Variants in PCDH11X observed in about 807,000 individuals in gnomAD.
PCDH11X encodes the protein protocadherin-11 X-linked.
Under a neutral mutation model 53.3 loss-of-function variants are expected in PCDH11X, and 18 were observed. The ratio of observed to expected loss-of-function variants is 0.34; its 90% CI spans 0.23 to 0.50. PCDH11X has a LOEUF of 0.50. Ranked by LOEUF, PCDH11X falls within the 20% of genes least tolerant of loss-of-function variation. PCDH11X has a pLI of 0.98. For missense variants in PCDH11X, 570 were observed against 1,032.4 expected (o/e 0.55, Z 6.14); for synonymous variants, 279 against 393.3 (o/e 0.71, Z 3.44).
intron 9 of PCDH11X, among the ~76,000 whole-genome samples, chrX:92,416,280 C>A (rs1189149395): frequency 9.1e-6 from 1 of 109,554 alleles, no homozygotes; most frequent in Non-Finnish European, 1.9e-5. Flanking sequence ...TGACTATAGT[C>A]AATAATAACT....
intron 10 of PCDH11X, among the ~76,000 whole-genome samples, chrX:92,510,555 G>A (rs2074144478): frequency 9.6e-6 from 1 of 103,875 alleles, no homozygotes; most frequent in South Asian, 4.9e-4. Flanking sequence ...AATTTTCAAG[G>A]CACTAAATTA....
At chrX:91,896,443 G>T (rs1244311832) in intron 6 of PCDH11X, among the ~76,000 whole-genome samples, 1 of 107,106 alleles carries the variant, frequency 9.3e-6, no homozygotes, top group Non-Finnish European at 1.9e-5. Context: ...TTTATATTGA[G>T]AATGCTCTCT....
chrX:92,619,175 T>C lies in PCDH11X; in HGVS notation c.*235T>C, dbSNP rs1928304512. ...GAATTTAACAATTTGCATCCCCTTG[T>C]ACAGTAAGGCTTATCATGACAGAGC... is the stretch of plus-strand genomic sequence containing the variant. On this transcript the variant is annotated 3_prime_UTR_variant, in exon 11 of 11. Coordinates refer to ENST00000682573, the MANE Select transcript of PCDH11X (RefSeq NM_032968.5). 2 of 433,999 alleles carry C rather than the reference T, an allele frequency of 4.6e-6. No individual in the cohort carries two copies. The allele number at this position is 433,999 out of a possible 1,213,427, so 35.8% of individuals were successfully genotyped here. A position where few individuals can be genotyped will look rare whatever the true frequency, so the allele number is the denominator to read the frequency against.
intron 10 of PCDH11X, among the ~76,000 whole-genome samples, chrX:92,605,268 A>G (rs1926666585): frequency 1.8e-5 from 2 of 110,832 alleles, no homozygotes; most frequent in Non-Finnish European, 3.8e-5. Context: ...AGAAATTTGG[A>G]AAATTAACAA....
intron 10 of PCDH11X, among the ~76,000 whole-genome samples, chrX:92,615,606 C>T (rs1239382752): frequency 9.0e-6 from 1 of 110,524 alleles, no homozygotes; most frequent in Admixed American, 9.6e-5. Context: ...GCAGGTGTTC[C>T]AATCTCTGGC....
intron 9 of PCDH11X, among the ~76,000 whole-genome samples, chrX:92,452,092 T>TAG (rs749519643): frequency 6.3e-4 from 69 of 109,419 alleles, no homozygotes; most frequent in African/African-American, 2.2e-3. Context: ...ATTATGTCGA[T>TAG]AGAGAGAGAG....
chrX:92,489,428 A>G (rs191183011), intron 10 of PCDH11X, among the ~76,000 whole-genome samples: 11 of 110,970 alleles, frequency 9.9e-5, no homozygotes, highest in South Asian at 3.8e-4. Context: ...AAACTCGGGC[A>G]TATTTACGCT....
At position 92,217,077 on chromosome X, in the gene PCDH11X, G is replaced by A. The variant is rs1174358979; in HGVS notation, c.3114+15622G>A. ...ACACTAAACATGGAAAGGAACAACC[G>A]GTACCAGCCACTGCAAAATCATGCC... On this transcript the variant is annotated intron_variant, in intron 7 of 10. Transcript: ENST00000682573. Among the ~76,000 whole-genome samples the A allele has an allele frequency of 7.2e-4, 80 of 111,111 alleles. 1 individual carries two copies. The highest frequency in any genetic ancestry group is 9.8e-4 in the African/African-American group (30 of 30,522).
intron 6 of PCDH11X, among the ~76,000 whole-genome samples, chrX:91,981,795 C>CT (rs1030975957): frequency 9.5e-6 from 1 of 104,945 alleles, no homozygotes; most frequent in Non-Finnish European, 2.0e-5. Flanking sequence ...TTGTTGTTTT[C>CT]TTTTTTTTAG....
intron 5 of PCDH11X, among the ~76,000 whole-genome samples, chrX:91,873,164 A>G (rs1326568925): frequency 2.8e-5 from 3 of 108,619 alleles, no homozygotes; most frequent in Non-Finnish European, 5.7e-5. Flanking sequence ...TATGCATGCA[A>G]TCACCTGGCT....
At chrX:91,823,444 C>G (rs1936776705) in intron 4 of PCDH11X, among the ~76,000 whole-genome samples, 2 of 111,020 alleles carry the variant, frequency 1.8e-5, no homozygotes, top group Non-Finnish European at 3.8e-5. Flanking sequence ...TTCTTTGTCT[C>G]TTTTGATCTT....
chrX:92,380,882 C>G (rs1374900655), intron 8 of PCDH11X, among the ~76,000 whole-genome samples: 1 of 102,815 alleles, frequency 9.7e-6, no homozygotes, highest in Non-Finnish European at 2.0e-5. Flanking sequence ...TTTAACTTGT[C>G]AGTCACTTTG....
intron 6 of PCDH11X, among the ~76,000 whole-genome samples, chrX:92,170,087 A>C (rs1466898439): frequency 9.0e-6 from 1 of 110,746 alleles, no homozygotes; most frequent in Admixed American, 9.8e-5. Context: ...AAATATGGAG[A>C]TAGAAATAAA....
intron 6 of PCDH11X, among the ~76,000 whole-genome samples, chrX:91,941,006 A>G (rs1338675484): frequency 9.0e-6 from 1 of 110,922 alleles, no homozygotes; most frequent in Non-Finnish European, 1.9e-5. Context: ...AAAATATTCA[A>G]TCTACTGTAG....
intron 6 of PCDH11X, among the ~76,000 whole-genome samples, chrX:91,967,946 C>T (rs2061891099): frequency 9.0e-6 from 1 of 111,073 alleles, no homozygotes; most frequent in African/African-American, 3.3e-5. Context: ...GAAATTTATA[C>T]TCAGAGATTT....
chrX:91,835,386 G>C (rs1286474963), intron 4 of PCDH11X, 75 bp from the exon 5 acceptor site: 5 of 1,199,336 alleles, frequency 4.2e-6, no homozygotes, highest in Non-Finnish European at 5.6e-6. Context: ...AACAGTTTTT[G>C]TTAACATGCA....
intron 6 of PCDH11X, among the ~76,000 whole-genome samples, chrX:92,016,479 T>C (rs1162487646): frequency 9.0e-6 from 1 of 110,816 alleles, no homozygotes; most frequent in Non-Finnish European, 1.9e-5. Flanking sequence ...TTATCTTAGC[T>C]AGATCTTCCG....
At chrX:92,455,617 TAAC>T (rs769621623) in intron 9 of PCDH11X, among the ~76,000 whole-genome samples, 55 of 26,792 alleles carry the variant, frequency 2.1e-3, no homozygotes, top group African/African-American at 7.5e-3. Flanking sequence ...TTATAGGAAA[TAAC>T]AACAGTTTAA....
intron 10 of PCDH11X, among the ~76,000 whole-genome samples, chrX:92,477,951 C>T (rs963942423): frequency 9.3e-6 from 1 of 107,911 alleles, no homozygotes; most frequent in Non-Finnish European, 1.9e-5. Context: ...AAATTATAAT[C>T]CCCATGTTTC....
Sources: gnomAD v4.1 joint callset for allele counts (sites outside exome capture counted in the v4.1 genomes callset) on GRCh38, gnomAD v4.1.1 for gene constraint, MANE v1.5 for transcripts, NCBI Gene and HGNC (gene_info 2026-07-23, HGNC 2026-07-21) for gene names.